The following LARS2 variants were observed in gnomAD, a reference collection of about 807,000 sequenced individuals.
LARS2 encodes leucine--tRNA ligase, mitochondrial.
In LARS2, 81 loss-of-function variants were observed where a neutral mutation model predicts 116.6. The observed-to-expected ratio is 0.69, with a 90% CI of 0.58 to 0.84. The LOEUF is 0.84. Among genes scored for constraint, LARS2 ranks in the 40% least tolerant of loss-of-function variants. LARS2 has a pLI of 0.00. For missense variants in LARS2, 968 were observed against 1,114.5 expected, an observed-to-expected ratio of 0.87 and a Z score of 1.87; for synonymous variants, 396 against 407.2, an observed-to-expected ratio of 0.97 and a Z score of 0.33.
At chr3:45,452,050 T>C (rs2125707058) in intron 7 of LARS2, among the ~76,000 whole-genome samples, 1 of 152,290 alleles carries the variant, frequency 6.6e-6, no homozygotes, top group East Asian at 1.9e-4. Context: ...ATCCTGCAAC[T>C]TTACTAAATT....
intron 6 of LARS2, among the ~76,000 whole-genome samples, chr3:45,434,270 T>G (rs1698766035): frequency 6.6e-6 from 1 of 152,246 alleles, no homozygotes; most frequent in Non-Finnish European, 1.5e-5. Flanking sequence ...TATTCATTTT[T>G]TTTCCAGTCT....
At chr3:45,427,838 T>TTTTA (rs1698622629) in intron 6 of LARS2, among the ~76,000 whole-genome samples, 2 of 151,456 alleles carry the variant, frequency 1.3e-5, no homozygotes, top group Non-Finnish European at 2.9e-5. Context: ...TTTTTTTTTT[T>TTTTA]GAGGCGGAGT....
intron 6 of LARS2, among the ~76,000 whole-genome samples, chr3:45,440,119 A>T (rs1023892752): frequency 6.6e-6 from 1 of 152,098 alleles, no homozygotes; most frequent in Admixed American, 6.5e-5. Context: ...CCCTCTTCCA[A>T]CGCCGCAGGT....
At chr3:45,541,741 G>A (rs1700799007) in intron 20 of LARS2, 88 bp from the exon 21 acceptor site, 3 of 1,522,234 alleles carry the variant, frequency 2.0e-6, no homozygotes, top group South Asian at 2.5e-5. Context: ...TCCAAGCCAG[G>A]CTGTGTTGGG....
chr3:45,445,895 T>A (rs1358174074), intron 6 of LARS2, among the ~76,000 whole-genome samples: 1 of 152,194 alleles, frequency 6.6e-6, no homozygotes, highest in South Asian at 2.1e-4. Context: ...TTTGCACTTT[T>A]GGTAAAAGTA....
At chr3:45,488,080 T>G (rs1460525430) in intron 11 of LARS2, among the ~76,000 whole-genome samples, 2 of 152,114 alleles carry the variant, frequency 1.3e-5, no homozygotes, top group Admixed American at 6.5e-5. Flanking sequence ...CCACAAATGC[T>G]TATAATTTTT....
At chr3:45,425,141 A>T (rs1275409573) in intron 6 of LARS2, among the ~76,000 whole-genome samples, 1 of 151,832 alleles carries the variant, frequency 6.6e-6, no homozygotes, top group Non-Finnish European at 1.5e-5. Flanking sequence ...CATAGATCTT[A>T]TATGTTCAGA....
chr3:45,517,466 G>A (rs746574279), intron 17 of LARS2, among the ~76,000 whole-genome samples: 19 of 152,240 alleles, frequency 1.2e-4, no homozygotes, highest in Admixed American at 6.5e-4. Flanking sequence ...ACACTCTACA[G>A]CAGTGTGGCT....
At chr3:45,404,757 G>A (rs575666513) in intron 4 of LARS2, among the ~76,000 whole-genome samples, 9 of 151,820 alleles carry the variant, frequency 5.9e-5, no homozygotes, top group African/African-American at 1.4e-4. Context: ...CACCACACCC[G>A]GCTAATTTTT....
chr3:45,413,545 G>A (rs550955225), intron 4 of LARS2, among the ~76,000 whole-genome samples: 26 of 152,182 alleles, frequency 1.7e-4, no homozygotes, highest in Non-Finnish European at 3.8e-4. Context: ...TAGTAAACAG[G>A]CAGAGTTAGA....
At chr3:45,399,061 G>A (rs1409701553) in intron 3 of LARS2, among the ~76,000 whole-genome samples, 1 of 152,204 alleles carries the variant, frequency 6.6e-6, no homozygotes, top group African/African-American at 2.4e-5. Context: ...AGTTGTCTAT[G>A]TTTCTCATGA....
At chr3:45,533,990 C>T (rs567252711) in intron 20 of LARS2, among the ~76,000 whole-genome samples, 10 of 152,128 alleles carry the variant, frequency 6.6e-5, no homozygotes, top group African/African-American at 9.7e-5. Flanking sequence ...ATTTATTGAG[C>T]GTGTACTATG....
At chr3:45,477,635 C>A (rs1699638074) in intron 10 of LARS2, among the ~76,000 whole-genome samples, 1 of 152,140 alleles carries the variant, frequency 6.6e-6, no homozygotes, top group Admixed American at 6.5e-5. Flanking sequence ...AAAAAGAAAT[C>A]CATTCTAAGT....
At chr3:45,407,016 A>G (rs1358833064) in intron 4 of LARS2, among the ~76,000 whole-genome samples, 2 of 152,174 alleles carry the variant, frequency 1.3e-5, no homozygotes, top group Admixed American at 6.5e-5. Flanking sequence ...AAAAGCATCA[A>G]GGTGCCAAGT....
chr3:45,490,458 G>A (rs1575288442), intron 12 of LARS2, among the ~76,000 whole-genome samples: 2 of 152,300 alleles, frequency 1.3e-5, no homozygotes, highest in African/African-American at 4.8e-5. Flanking sequence ...GAGAATGGCT[G>A]GGGAAAAGCC....
At chr3:45,418,585 T>G (rs1698468273) in intron 5 of LARS2, among the ~76,000 whole-genome samples, 1 of 152,250 alleles carries the variant, frequency 6.6e-6, no homozygotes, top group African/African-American at 2.4e-5. Flanking sequence ...TACCTGTTTC[T>G]GTAAATCAAG....
intron 7 of LARS2, among the ~76,000 whole-genome samples, chr3:45,457,976 A>G (rs1699240843): frequency 6.6e-6 from 1 of 152,202 alleles, no homozygotes; most frequent in Non-Finnish European, 1.5e-5. Flanking sequence ...ATTGATTGGT[A>G]GAAGGCACAA....
intron 6 of LARS2, 78 bp downstream of exon 6, chr3:45,419,807 G>T: frequency 8.4e-7 from 1 of 1,194,228 alleles, no homozygotes; most frequent in South Asian, 1.2e-5. Flanking sequence ...CTTCCTCTTT[G>T]AGTTGGGAGA....
chr3:45,520,929 T>A (rs1415838430), intron 19 of LARS2, among the ~76,000 whole-genome samples: 1 of 152,234 alleles, frequency 6.6e-6, no homozygotes, highest in Non-Finnish European at 1.5e-5. Flanking sequence ...GGCTCATGCC[T>A]GTAATCTCAA....
Sources: allele counts gnomAD v4.1 joint callset (sites outside exome capture counted in the v4.1 genomes callset), GRCh38; gene constraint gnomAD v4.1.1; transcripts MANE v1.5; gene names NCBI Gene and HGNC (gene_info 2026-07-23, HGNC 2026-07-21).